C14orf39: variants seen among roughly 807,000 people sequenced by gnomAD.
C14orf39 encodes the protein protein SIX6OS1.
C14orf39 carries 66 observed loss-of-function variants against 85.6 expected under a neutral mutation model. That is an observed-to-expected ratio of 0.77 (90% confidence interval 0.63 to 0.95). The LOEUF is 0.95. C14orf39 is among the 40% of genes least tolerant of loss of function. The pLI is 0.00. For synonymous variants in C14orf39, 242 were observed against 214.0 expected (o/e 1.13, Z -1.14); for missense variants, 735 against 663.9 (o/e 1.11, Z -1.18).
chr14:60,461,964 C>T (rs1470513618), intron 11 of C14orf39, among the ~76,000 whole-genome samples: 2 of 152,162 alleles, frequency 1.3e-5, no homozygotes, highest in African/African-American at 4.8e-5. Flanking sequence ...TCTCTATAAC[C>T]TCTCAAATTT....
Position 60,466,063 on chromosome 14 carries a change from AT to A in C14orf39, c.896-9del. 7.3e-7 allele frequency: 1 copy of A among 1,379,076 alleles called. No homozygotes were observed. Among genetic ancestry groups the A allele is most frequent in the Non-Finnish European group, 9.8e-7 (1 of 1,015,660 alleles). The allele number at this position is 1,379,076 out of a possible 1,614,324, so 85.4% of individuals were successfully genotyped here. On this transcript the variant is annotated splice_polypyrimidine_tract_variant and intron_variant, in intron 10 of 17. Transcript: ENST00000321731. ...AACTTTCTTCTTTTATATCTAGATT[AT>A]TAAATAGTACTACTTTAAATCAATG... is the stretch of plus-strand genomic sequence containing the variant.
chr14:60,459,960 C>A (rs1007095857), intron 13 of C14orf39, among the ~76,000 whole-genome samples: 3 of 151,408 alleles, frequency 2.0e-5, no homozygotes, highest in Non-Finnish European at 3.0e-5. Flanking sequence ...TTAATATTGC[C>A]AAATTTCTCC....
chr14:60,488,213 C>T (rs1000764853), upstream of C14orf39, among the ~76,000 whole-genome samples: 44 of 152,032 alleles, frequency 2.9e-4, no homozygotes, highest in African/African-American at 1.7e-4. Context: ...CTAGAAACAC[C>T]ACCTTACTGA....
chr14:60,487,651 T>C (rs1487249083), upstream of C14orf39, among the ~76,000 whole-genome samples: 1 of 152,220 alleles, frequency 6.6e-6, no homozygotes, highest in Non-Finnish European at 1.5e-5. Context: ...TATTCAAAAG[T>C]GGGATTGCTG....
upstream of C14orf39, among the ~76,000 whole-genome samples, chr14:60,487,767 T>G (rs1892925377): frequency 6.6e-6 from 1 of 152,212 alleles, no homozygotes; most frequent in South Asian, 2.1e-4. Flanking sequence ...TTTTCCTTTT[T>G]TCCATATCCT....
chr14:60,486,924 GA>G (rs1482803101), upstream of C14orf39, among the ~76,000 whole-genome samples: 1 of 152,150 alleles, frequency 6.6e-6, no homozygotes, highest in Non-Finnish European at 1.5e-5. Flanking sequence ...CAATTTAGCA[GA>G]TTTATTCTTT....
chr14:60,476,080 T>A (rs1002336859), intron 5 of C14orf39, among the ~76,000 whole-genome samples: 8 of 152,206 alleles, frequency 5.3e-5, no homozygotes, highest in South Asian at 2.1e-4. Flanking sequence ...ATTACTAAAC[T>A]GTCCCCTTTA....
chr14:60,496,036 C>T, intron 2 of C14orf39: 1 of 713,258 alleles, frequency 1.4e-6, no homozygotes. Context: ...GGGATTTTGG[C>T]ATGAGGTAGC....
intron 5 of C14orf39, among the ~76,000 whole-genome samples, chr14:60,473,025 T>G (rs1397403223): frequency 2.0e-5 from 3 of 152,138 alleles, no homozygotes; most frequent in Non-Finnish European, 2.9e-5. Flanking sequence ...CCACCAACAG[T>G]GTAAAAGTGT....
intron 5 of C14orf39, among the ~76,000 whole-genome samples, chr14:60,476,932 A>G (rs777915851): frequency 5.3e-5 from 8 of 152,168 alleles, no homozygotes; most frequent in Non-Finnish European, 8.8e-5. Context: ...ACTACTAGGA[A>G]TTTGAAAGCT....
At chr14:60,463,157 C>T (rs542892457) in intron 11 of C14orf39, among the ~76,000 whole-genome samples, 138 of 152,220 alleles carry the variant, frequency 9.1e-4, no homozygotes, top group African/African-American at 3.1e-3. Context: ...AAACCAGGCA[C>T]TTCAGTGGTT....
chr14:60,473,966 T>A (rs903496826), intron 5 of C14orf39, among the ~76,000 whole-genome samples: 17 of 152,324 alleles, frequency 1.1e-4, no homozygotes, highest in African/African-American at 3.8e-4. Flanking sequence ...TTGATGGGGA[T>A]GGCATTGAAT....
intron 11 of C14orf39, among the ~76,000 whole-genome samples, chr14:60,463,686 G>T (rs1340045989): frequency 6.6e-6 from 1 of 152,084 alleles, no homozygotes; most frequent in Non-Finnish European, 1.5e-5. Flanking sequence ...AGTTTTTTGG[G>T]AGAGGGCTAT....
In C14orf39 at chr14:60,500,702, A is replaced by G. The variant is rs563610082; in HGVS notation, c.-143-1272T>C. 4.6e-4 allele frequency among the ~76,000 whole-genome samples: 70 copies of G among 152,260 alleles called. 1 individual carries two copies. The Middle Eastern group carries it at 0.02, about 44-fold the overall frequency. Reference sequence around the variant, plus strand: ...AAATACTTTCATCAAAGGGGAAAAAATGTGTGTCTCTGTGCATAGAGAAAA... The same window carrying G: ...AAATACTTTCATCAAAGGGGAAAAAGTGTGTGTCTCTGTGCATAGAGAAAA... On this transcript the variant is annotated intron_variant, in intron 1 of 5. Coordinates refer to the C14orf39 transcript ENST00000556799.
intron 1 of C14orf39, among the ~76,000 whole-genome samples, chr14:60,503,059 G>A (rs1333924027): frequency 6.6e-6 from 1 of 152,202 alleles, no homozygotes; most frequent in Admixed American, 6.5e-5. Flanking sequence ...CCTGACAAAA[G>A]AGTTCAGAGG....
Position 60,484,845 on chromosome 14 carries a change from A to G in C14orf39, c.106+36T>C, listed in dbSNP as rs1202589514. On this transcript the variant is annotated intron_variant, in intron 3 of 17. Coordinates refer to ENST00000321731, the MANE Select transcript of C14orf39 (RefSeq NM_174978.3). The surrounding 1 kb of genome is among the most constrained non-coding windows in gnomAD (Gnocchi z 4.2). Reference sequence around the variant, plus strand: ...TATGTTATATGCCATAAGGAATTAAAAGACTAAAATATCTTGATCATGCAA... The same window carrying G: ...TATGTTATATGCCATAAGGAATTAAGAGACTAAAATATCTTGATCATGCAA... 7.0e-7 allele frequency: 1 copy of G among 1,433,306 alleles called. No homozygotes were observed. The highest frequency in any genetic ancestry group is 1.4e-5 in the African/African-American group (1 of 69,744). 88.8% of individuals were successfully genotyped at this position (1,433,306 alleles called of 1,614,324 possible). A position where few individuals can be genotyped will look rare whatever the true frequency, so the allele number is the denominator to read the frequency against.
chr14:60,495,445 C>G (rs1893056330), intron 2 of C14orf39: 1 of 169,568 alleles, frequency 5.9e-6, no homozygotes, highest in Middle Eastern at 2.6e-3. Flanking sequence ...GAGCTCAGTA[C>G]CCGAAGGGAG....
At chr14:60,482,505 CCATA>C (rs993604153) in intron 4 of C14orf39, among the ~76,000 whole-genome samples, 3 of 151,990 alleles carry the variant, frequency 2.0e-5, no homozygotes, top group African/African-American at 7.2e-5. Context: ...AATTTTGTTC[CCATA>C]CATTGTTGGT....
At chr14:60,505,674 C>A (rs1893193583) in intron 1 of C14orf39, among the ~76,000 whole-genome samples, 1 of 152,140 alleles carries the variant, frequency 6.6e-6, no homozygotes, top group South Asian at 2.1e-4. Flanking sequence ...GATTCAATTA[C>A]CGCATTCTTA....
Sources: gnomAD v4.1 joint callset for allele counts (sites outside exome capture counted in the v4.1 genomes callset) on GRCh38, gnomAD v4.1.1 for gene constraint, Gnocchi (gnomAD v3.1) non-coding constraint, MANE v1.5 for transcripts, NCBI Gene and HGNC (gene_info 2026-07-23, HGNC 2026-07-21) for gene names.